DNAAF9: variants seen among roughly 807,000 people sequenced by gnomAD.
The protein encoded by DNAAF9 is shulin.
A neutral mutation model predicts 167.0 loss-of-function variants in DNAAF9; 90 were observed. The ratio of observed to expected loss-of-function variants is 0.54; its 90% CI spans 0.45 to 0.64. DNAAF9 has a LOEUF of 0.64. Ranked by LOEUF, DNAAF9 falls within the 30% of genes least tolerant of loss-of-function variation. The probability of loss-of-function intolerance (pLI) is 0.00; values close to 1 mark genes in which losing one functional copy is unlikely to be tolerated. For synonymous variants in DNAAF9, 491 were observed against 508.8 expected (o/e 0.96, Z 0.47); for missense variants, 1,315 against 1,442.2 (o/e 0.91, Z 1.43).
intron 11 of DNAAF9, 139 bp downstream of exon 11, chr20:3,332,141 A>C: frequency 1.7e-6 from 1 of 605,556 alleles, no homozygotes; most frequent in Admixed American, 2.9e-5. Context: ...TCCAGAAGTA[A>C]TCAGAGAGGG....
At chr20:3,383,998 T>A (rs1234059629) in intron 1 of DNAAF9, among the ~76,000 whole-genome samples, 1 of 152,090 alleles carries the variant, frequency 6.6e-6, no homozygotes. Context: ...GGTTTCACCA[T>A]GTTGGCCAGG....
intron 20 of DNAAF9, among the ~76,000 whole-genome samples, chr20:3,308,890 C>T (rs1279844180): frequency 1.3e-5 from 2 of 152,044 alleles, no homozygotes; most frequent in Non-Finnish European, 2.9e-5. Flanking sequence ...ATGGTAGGGG[C>T]TAAGCTCTCT....
chr20:3,350,985 G>C (rs888185858), intron 7 of DNAAF9, among the ~76,000 whole-genome samples: 1 of 152,106 alleles, frequency 6.6e-6, no homozygotes, highest in Non-Finnish European at 1.5e-5. Flanking sequence ...TAAGGATCTA[G>C]GGATTACACA....
chr20:3,371,634 C>T (rs954103453), intron 6 of DNAAF9, among the ~76,000 whole-genome samples: 7 of 152,136 alleles, frequency 4.6e-5, no homozygotes, highest in Non-Finnish European at 8.8e-5. Context: ...TGAGCCACCG[C>T]GCCCGGCAGA....
chr20:3,288,590 C>T (rs761212321), intron 26 of DNAAF9, among the ~76,000 whole-genome samples: 5 of 152,208 alleles, frequency 3.3e-5, no homozygotes, highest in Non-Finnish European at 5.9e-5. Context: ...TAATTTGCCT[C>T]CCCATTCTCC....
intron 25 of DNAAF9, among the ~76,000 whole-genome samples, chr20:3,293,512 C>G (rs1478550528): frequency 6.6e-6 from 1 of 150,994 alleles, no homozygotes; most frequent in Admixed American, 6.6e-5. Flanking sequence ...TGGTGAAACC[C>G]TGTCTCTACT....
chr20:3,290,856 T>C (rs564368150), intron 25 of DNAAF9, among the ~76,000 whole-genome samples: 6 of 151,032 alleles, frequency 4.0e-5, no homozygotes, highest in East Asian at 2.0e-4. Flanking sequence ...TGGTGTGATC[T>C]CAGCTCACTA....
intron 29 of DNAAF9, among the ~76,000 whole-genome samples, chr20:3,277,818 A>G (rs2068698309): frequency 6.6e-6 from 1 of 152,158 alleles, no homozygotes; most frequent in African/African-American, 2.4e-5. Flanking sequence ...CCCAACATAC[A>G]CATTCCTCCC....
At chr20:3,336,644 G>C (rs902495809) in intron 10 of DNAAF9, among the ~76,000 whole-genome samples, 7 of 152,012 alleles carry the variant, frequency 4.6e-5, no homozygotes, top group African/African-American at 1.7e-4. Context: ...CTGCCACCCA[G>C]GTTCAAGTGA....
rs1055233019 is a variant in DNAAF9, at chr20:3,249,511, G to A, written c.*3061C>T. Reference sequence around the variant, plus strand: ...ACAATTCAGTTTCACTGAAGTTACAGTAGTGTTTGTAAATACGAGTTTTAA... The same window carrying A: ...ACAATTCAGTTTCACTGAAGTTACAATAGTGTTTGTAAATACGAGTTTTAA... On this transcript the variant is annotated 3_prime_UTR_variant, in exon 37 of 37. Transcript: ENST00000252032. The A allele has an allele frequency of 1.4e-4, 21 of 152,204 alleles. No homozygotes were observed. Among genetic ancestry groups the A allele is most frequent in the African/African-American group, 5.1e-4 (21 of 41,454 alleles). The allele number at this position is 152,204 out of a possible 1,614,324, so 9.4% of individuals were successfully genotyped here. A position where few individuals can be genotyped will look rare whatever the true frequency, so the allele number is the denominator to read the frequency against.
intron 1 of DNAAF9, among the ~76,000 whole-genome samples, chr20:3,397,724 G>A (rs2083930226): frequency 6.6e-6 from 1 of 151,508 alleles, no homozygotes; most frequent in South Asian, 2.1e-4. Flanking sequence ...TTTTTTGGGG[G>A]GGGGGAACAT....
intron 1 of DNAAF9, among the ~76,000 whole-genome samples, chr20:3,397,974 A>T (rs184585790): frequency 2.4e-4 from 37 of 152,068 alleles, no homozygotes; most frequent in Admixed American, 2.0e-3. Context: ...TGAGGACTAT[A>T]CTCCTCTCAG....
At chr20:3,288,836 T>C (rs994746256) in intron 26 of DNAAF9, among the ~76,000 whole-genome samples, 3 of 152,204 alleles carry the variant, frequency 2.0e-5, no homozygotes, top group South Asian at 2.1e-4. Context: ...GGCAGTCTCC[T>C]TGTGCTCATG....
chr20:3,302,509 T>C (rs534832307), intron 21 of DNAAF9, among the ~76,000 whole-genome samples: 1 of 152,316 alleles, frequency 6.6e-6, no homozygotes. Flanking sequence ...GATCTACCCC[T>C]CCCCATCCCC....
Position 3,256,228 on chromosome 20 carries a change from C to T in DNAAF9, c.3056-17G>A. On this transcript the variant is annotated splice_polypyrimidine_tract_variant and intron_variant, in intron 33 of 36. Coordinates refer to ENST00000252032, the MANE Select transcript of DNAAF9 (RefSeq NM_001009984.3). ...TCTCAGAGTCTGTAAGGAGAATACA[C>T]ATTAGTCCCTGAGAGCCTGCCTTGA... is the stretch of plus-strand genomic sequence containing the variant. The T allele has an allele frequency of 1.3e-6, 2 of 1,575,670 alleles. No homozygotes were observed. Among genetic ancestry groups the T allele is most frequent in the Non-Finnish European group, 1.7e-6 (2 of 1,145,094 alleles).
Position 3,340,548 on chromosome 20 carries a change from G to C in DNAAF9, c.937C>G (p.Leu313Val), listed in dbSNP as rs1477387254. 2.5e-6 allele frequency: 4 copies of C among 1,608,324 alleles called. No homozygotes were observed. The highest frequency in any genetic ancestry group is 1.4e-5 in the African/African-American group (1 of 73,922). Reference sequence around the variant, plus strand: ...CCGCCGGGACCAGTGCTTCGTACCAGATGTCCTTCAGAAGGGAAGTTAAAG... The same window carrying C: ...CCGCCGGGACCAGTGCTTCGTACCACATGTCCTTCAGAAGGGAAGTTAAAG... ...GNFNFPSEGH[L>V]VRSTGPGGSF... The change falls in exon 10 of 37, where the codon CTG (leucine) becomes GTG (valine). Residue 313 changes from leucine to valine, a missense_variant. Leu to Val is a conservative substitution (Grantham distance 32). This residue lies in a region of DNAAF9 where 981 missense variants were observed against 1,012.5 expected (regional missense o/e 0.97). Coordinates refer to ENST00000252032, the MANE Select transcript of DNAAF9 (RefSeq NM_001009984.3).
rs139640086 is a variant in DNAAF9 at position 3,312,207 on chromosome 20, C to T, written c.1678+2826G>A. ...TTCTCCATGTTGGTCAGGCTGGTCT[C>T]GAACTCCCGACTTCAGGTGATTCGC... On this transcript the variant is annotated intron_variant, in intron 20 of 36. Transcript: ENST00000252032. Among the ~76,000 whole-genome samples, 1,364 of 152,138 alleles carry T rather than the reference C, an allele frequency of 9.0e-3. 20 individuals are homozygous for T. Among genetic ancestry groups the T allele is most frequent in the African/African-American group, 0.032 (1,309 of 41,524 alleles).
At chr20:3,256,277 G>T in intron 33 of DNAAF9, 66 bp from the exon 34 acceptor site, 1 of 1,119,264 alleles carries the variant, frequency 8.9e-7, no homozygotes, top group Non-Finnish European at 1.4e-6. Context: ...TGCTAAGACT[G>T]TGACAATGCA....
chr20:3,322,232 T>C lies in DNAAF9; in HGVS notation c.1341A>G (p.Leu447=), dbSNP rs1444040195. The C allele has an allele frequency of 1.2e-6, 2 of 1,610,790 alleles. No individual in the cohort carries two copies. Among genetic ancestry groups the C allele is most frequent in the Admixed American group, 1.7e-5 (1 of 59,728 alleles). ...CTCTGCTTACCGTCTTCACAAAGGA[T>C]AAGCTATCTTCACTGTCCAGCGGTA... ...RIVPLDSEDS[L]SFVKTACMAV... is the part of the protein sequence containing the mutation. The change falls in exon 16 of 37, where the codon TTA becomes TTG. Residue 447 remains leucine, a synonymous_variant. Coordinates refer to ENST00000252032, the MANE Select transcript of DNAAF9 (RefSeq NM_001009984.3).
Sources: allele counts gnomAD v4.1 joint callset (sites outside exome capture counted in the v4.1 genomes callset), GRCh38; gene constraint gnomAD v4.1.1; regional missense constraint gnomAD v4.1.1; transcripts MANE v1.5; gene names NCBI Gene and HGNC (gene_info 2026-07-23, HGNC 2026-07-21).